ELMO1: variants seen among roughly 807,000 people sequenced by gnomAD.
ELMO1 encodes the protein engulfment and cell motility 1.
In ELMO1, 26 loss-of-function variants were observed where a neutral mutation model predicts 98.9. That is an observed-to-expected ratio of 0.26 (90% CI 0.19 to 0.36). ELMO1 has a LOEUF of 0.36. Ranked by LOEUF, ELMO1 falls within the 10% of genes least tolerant of loss-of-function variation. The probability of loss-of-function intolerance (pLI) is 1.00; values close to 1 mark genes in which losing one functional copy is unlikely to be tolerated. For synonymous variants in ELMO1, 346 were observed against 346.0 expected (o/e 1.00, Z 0.00); for missense variants, 627 against 935.2 (o/e 0.67, Z 4.30).
intron 1 of ELMO1, among the ~76,000 whole-genome samples, chr7:37,446,641 C>T (rs1424602410): frequency 1.3e-5 from 2 of 152,138 alleles, no homozygotes; most frequent in Non-Finnish European, 2.9e-5. Context: ...ACTAGAACTG[C>T]CCATCTTCTT....
intron 1 of ELMO1, among the ~76,000 whole-genome samples, chr7:37,442,308 G>A (rs891156601): frequency 2.6e-5 from 4 of 152,146 alleles, no homozygotes; most frequent in African/African-American, 4.8e-5. Flanking sequence ...CCTCAGCATC[G>A]CCCAAAGGAG....
intron 20 of ELMO1, among the ~76,000 whole-genome samples, chr7:36,868,797 G>T (rs1803262789): frequency 1.3e-5 from 2 of 151,960 alleles, no homozygotes. Context: ...ATTTTTCCAG[G>T]TACACCCTTC....
intron 14 of ELMO1, chr7:37,117,022 G>A (rs1003768402): frequency 4.7e-6 from 1 of 210,754 alleles, no homozygotes; most frequent in Admixed American, 4.3e-5. Context: ...GAAAAAAGGA[G>A]AGATAATTAT....
intron 20 of ELMO1, among the ~76,000 whole-genome samples, chr7:36,865,860 A>G (rs1183760157): frequency 6.6e-6 from 1 of 152,250 alleles, no homozygotes; most frequent in East Asian, 1.9e-4. Context: ...TGCTCAATAC[A>G]TTGCTGAATG....
At chr7:37,436,773 G>A (rs1805167813) in intron 1 of ELMO1, among the ~76,000 whole-genome samples, 2 of 152,272 alleles carry the variant, frequency 1.3e-5, no homozygotes, top group Admixed American at 1.3e-4. Flanking sequence ...TTCCACTTAG[G>A]TGGCCATAAA....
chr7:37,231,022 T>C (rs1233399488), intron 8 of ELMO1, among the ~76,000 whole-genome samples: 2 of 152,230 alleles, frequency 1.3e-5, no homozygotes, highest in East Asian at 3.8e-4. Context: ...GTTTCTTTCC[T>C]TTATGGCAAT....
Position 37,222,799 on chromosome 7 carries a change from A to C in ELMO1, c.702-106T>G, listed in dbSNP as rs1046030720. ...CAAAATCAGCCCCCTCCCCCCAAAAAAAGTGAGAGAGAAAGGCAGGGCCTA... is the reference window on the plus strand; with the variant it reads ...CAAAATCAGCCCCCTCCCCCCAAAACAAGTGAGAGAGAAAGGCAGGGCCTA... On this transcript the variant is annotated intron_variant, in intron 9 of 21. Coordinates refer to ENST00000310758, the MANE Select transcript of ELMO1 (RefSeq NM_014800.11). The C allele has an allele frequency of 5.1e-5, 48 of 941,100 alleles. No homozygotes were observed. In the Middle Eastern group the frequency reaches 1.9e-3, roughly 38 times the overall value. 58.3% of individuals were successfully genotyped at this position (941,100 alleles called of 1,614,324 possible).
intron 1 of ELMO1, among the ~76,000 whole-genome samples, chr7:37,403,757 G>C (rs1163160178): frequency 6.6e-6 from 1 of 151,920 alleles, no homozygotes; most frequent in Non-Finnish European, 1.5e-5. Flanking sequence ...TGTTTCCCAG[G>C]CTGGTCTCGA....
At chr7:37,421,629 C>A (rs937390248) in intron 1 of ELMO1, among the ~76,000 whole-genome samples, 39 of 152,200 alleles carry the variant, frequency 2.6e-4, no homozygotes, top group African/African-American at 9.4e-4. Context: ...GTTTTGAAGG[C>A]AGCACATCAA....
chr7:36,934,992 A>G (rs1373442322), intron 16 of ELMO1, among the ~76,000 whole-genome samples: 1 of 152,174 alleles, frequency 6.6e-6, no homozygotes, highest in African/African-American at 2.4e-5. Context: ...CGTGGTCTCC[A>G]CCACTGCAAG....
intron 2 of ELMO1, among the ~76,000 whole-genome samples, chr7:37,321,782 A>G (rs1032649127): frequency 1.3e-5 from 2 of 150,414 alleles, no homozygotes; most frequent in African/African-American, 4.9e-5. Context: ...AAATTAATTT[A>G]GTTCAAAATG....
chr7:37,116,680 AAAAAG>A (rs966973614), intron 14 of ELMO1: 4 of 152,040 alleles, frequency 2.6e-5, no homozygotes, highest in African/African-American at 7.2e-5. Context: ...TTAAAAAAAA[AAAAAG>A]AAAAGAGAAA....
intron 15 of ELMO1, among the ~76,000 whole-genome samples, chr7:37,081,890 G>C (rs1270219555): frequency 6.6e-6 from 1 of 152,192 alleles, no homozygotes; most frequent in Non-Finnish European, 1.5e-5. Context: ...TCTGATGATG[G>C]TAATGACACA....
intron 15 of ELMO1, among the ~76,000 whole-genome samples, chr7:37,055,618 C>G (rs965078762): frequency 5.3e-5 from 8 of 152,164 alleles, no homozygotes; most frequent in Admixed American, 2.6e-4. Context: ...TCCAGCCCTC[C>G]TGCGGGTGGA....
In ELMO1 at chr7:37,365,635, G is replaced by A. The variant is rs1341745072; in HGVS notation, c.-73-22872C>T. 2.1e-4 allele frequency among the ~76,000 whole-genome samples: 32 copies of A among 152,162 alleles called. 1 individual carries two copies. Among genetic ancestry groups the A allele is most frequent in the Non-Finnish European group, 2.9e-5 (2 of 68,016 alleles). ...CAAACCCAGGGTGAAGACAACACAG[G>A]AAAAAATGTGGCTTCTGAGGTAAAG... On this transcript the variant is annotated intron_variant, in intron 1 of 21. Transcript: ENST00000310758.
chr7:37,398,211 T>C (rs1803377200), intron 1 of ELMO1, among the ~76,000 whole-genome samples: 1 of 152,208 alleles, frequency 6.6e-6, no homozygotes, highest in Non-Finnish European at 1.5e-5. Flanking sequence ...CATTTCATTA[T>C]GACTGTTGTG....
At chr7:37,047,640 A>C (rs1795869825) in intron 15 of ELMO1, among the ~76,000 whole-genome samples, 1 of 152,226 alleles carries the variant, frequency 6.6e-6, no homozygotes, top group African/African-American at 2.4e-5. Context: ...TAAATGCCAT[A>C]AAGCGTAACC....
At chr7:36,895,421 T>C (rs1805910744) in intron 16 of ELMO1, among the ~76,000 whole-genome samples, 1 of 152,182 alleles carries the variant, frequency 6.6e-6, no homozygotes, top group Non-Finnish European at 1.5e-5. Flanking sequence ...ATCGCTGAGA[T>C]ACAATTAACT....
chr7:36,887,679 G>C lies in ELMO1; in HGVS notation c.1602-7C>G. ...AATCTTCTCCTTTAGTTCCCTGTTA[G>C]AGGAAAAACACATATTCCACAGCAT... On this transcript the variant is annotated splice_region_variant and splice_polypyrimidine_tract_variant and intron_variant, in intron 17 of 21. Transcript: ENST00000310758. 6.2e-7 allele frequency: 1 copy of C among 1,613,246 alleles called. No homozygotes were observed. Among genetic ancestry groups the C allele is most frequent in the Non-Finnish European group, 8.5e-7 (1 of 1,179,332 alleles).
Sources: allele counts gnomAD v4.1 joint callset (sites outside exome capture counted in the v4.1 genomes callset), GRCh38; gene constraint gnomAD v4.1.1; transcripts MANE v1.5; gene names NCBI Gene and HGNC (gene_info 2026-07-23, HGNC 2026-07-21).